PRKD3: variants seen among roughly 807,000 people sequenced by gnomAD.
PRKD3 encodes the protein serine/threonine-protein kinase D3.
A neutral mutation model predicts 99.2 loss-of-function variants in PRKD3; 47 were observed. The observed-to-expected ratio is 0.47, with a 90% CI of 0.38 to 0.60. The LOEUF is 0.60. PRKD3 is among the 20% of genes least tolerant of loss of function. PRKD3 has a pLI of 0.00. For synonymous variants in PRKD3, 392 were observed against 355.4 expected (o/e 1.10, Z -1.16); for missense variants, 1,019 against 1,088.4 (o/e 0.94, Z 0.90).
intron 4 of PRKD3, 31 bp from the exon 5 acceptor site, chr2:37,289,544 A>G: frequency 6.5e-7 from 1 of 1,528,574 alleles, no homozygotes; most frequent in Non-Finnish European, 8.9e-7. Flanking sequence ...AAAATATAAG[A>G]TTTAAAAAAA....
At position 37,316,718 on chromosome 2, in the gene PRKD3, T is replaced by C. The variant is rs991397631; in HGVS notation, c.-194A>G. 7.1e-7 allele frequency: 1 copy of C among 1,416,184 alleles called. No individual in the cohort carries two copies. Among genetic ancestry groups the C allele is most frequent in the East Asian group, 2.6e-5 (1 of 38,638 alleles). 87.7% of individuals were successfully genotyped at this position (1,416,184 alleles called of 1,614,324 possible). A position where few individuals can be genotyped will look rare whatever the true frequency, so the allele number is the denominator to read the frequency against. On this transcript the variant is annotated 5_prime_UTR_variant, in exon 2 of 19. Coordinates refer to ENST00000234179, the MANE Select transcript of PRKD3 (RefSeq NM_005813.6). The stretch of plus-strand genomic sequence containing the variant: ...GGAGTTGAATGCCCCAAAGGTCCTA[T>C]TTCTCTTAATATCAGTCCCATCAAA...
intron 2 of PRKD3, among the ~76,000 whole-genome samples, chr2:37,299,103 C>G (rs1255028962): frequency 6.6e-6 from 1 of 152,048 alleles, no homozygotes; most frequent in Non-Finnish European, 1.5e-5. Context: ...TCCTTCTATA[C>G]CTAGTTTGTT....
chr2:37,316,822 G>A lies in PRKD3; in HGVS notation c.-298C>T, dbSNP rs1671686095. ...ACTGAGCTATCCTCAGCAGGATAGA[G>A]TTGACGTAGCTTATTTACGAATCTA... On this transcript the variant is annotated 5_prime_UTR_variant, in exon 2 of 19. Transcript: ENST00000234179. The A allele has an allele frequency of 8.6e-7, 1 of 1,164,914 alleles. No individual in the cohort carries two copies. The highest frequency in any genetic ancestry group is 1.1e-6 in the Non-Finnish European group (1 of 944,240). 72.2% of individuals were successfully genotyped at this position (1,164,914 alleles called of 1,614,324 possible).
intron 5 of PRKD3, 57 bp downstream of exon 5, chr2:37,289,299 C>G: frequency 6.4e-7 from 1 of 1,567,086 alleles, no homozygotes; most frequent in African/African-American, 1.4e-5. Flanking sequence ...GTCATACACC[C>G]TGTAGAAACA....
chr2:37,281,634 A>C (rs148378444), intron 7 of PRKD3, among the ~76,000 whole-genome samples: 67 of 152,328 alleles, frequency 4.4e-4, no homozygotes, highest in African/African-American at 1.5e-3. Context: ...CAGTCTCCAG[A>C]ACTATGAAAA....
At chr2:37,323,625 G>A (rs1197317875) in intron 1 of PRKD3, among the ~76,000 whole-genome samples, 1 of 152,000 alleles carries the variant, frequency 6.6e-6, no homozygotes, top group Non-Finnish European at 1.5e-5. Flanking sequence ...CAAAGCTAAG[G>A]AAAATGAAAA....
At chr2:37,316,126 C>T in intron 2 of PRKD3, 111 bp downstream of exon 2, 1 of 1,165,712 alleles carries the variant, frequency 8.6e-7, no homozygotes, top group South Asian at 1.5e-5. Context: ...CAAAAATGCA[C>T]AGAATAAACT....
rs746892209 is a variant in PRKD3, at chr2:37,293,232, G to T, written c.328C>A (p.Leu110Ile). ...GAGTTCATGTCATGGCGAAAGAGAA[G>T]AATTTTGTCATACATGCCAAAGAAT... ...CGFFGMYDKI[L>I]LFRHDMNSEN... The change falls in exon 3 of 19, where the codon CTT (leucine) becomes ATT (isoleucine). Residue 110 changes from leucine (L) to isoleucine (I), a missense_variant. By Grantham distance (5) the Leu-to-Ile change is conservative. Transcript: ENST00000234179. 6 of 1,603,230 alleles carry T rather than the reference G, an allele frequency of 3.7e-6. No individual in the cohort carries two copies. The East Asian group carries it at 1.3e-4, about 36-fold the overall frequency.
intron 15 of PRKD3, 24 bp downstream of exon 15, chr2:37,260,199 A>T (rs1338055508): frequency 2.5e-5 from 13 of 524,466 alleles, no homozygotes; most frequent in Non-Finnish European, 3.5e-5. Context: ...TCGCTAGTTT[A>T]AAAAAAAAAA....
At chr2:37,322,235 T>C (rs1356007806) in intron 1 of PRKD3, among the ~76,000 whole-genome samples, 1 of 152,230 alleles carries the variant, frequency 6.6e-6, no homozygotes. Context: ...TGTTCTTGCT[T>C]TTATATTGTA....
At chr2:37,267,361 AAGAG>A in intron 14 of PRKD3, 65 bp downstream of exon 14, 1 of 1,104,868 alleles carries the variant, frequency 9.1e-7, no homozygotes, top group Non-Finnish European at 1.3e-6. Context: ...AAAAAAAAAA[AAGAG>A]AAGCAGTTAA....
intron 2 of PRKD3, 64 bp downstream of exon 2, chr2:37,316,173 G>T (rs1213413409): frequency 1.4e-6 from 2 of 1,452,388 alleles, no homozygotes; most frequent in Admixed American, 1.8e-5. Context: ...ACTGGTACAC[G>T]TATAATTTAT....
chr2:37,299,557 CACAA>C (rs1558568315), intron 2 of PRKD3, among the ~76,000 whole-genome samples: 2 of 136,118 alleles, frequency 1.5e-5, no homozygotes, highest in African/African-American at 5.4e-5. Flanking sequence ...CACACACACA[CACAA>C]GCTTCTGCAA....
At chr2:37,291,629 G>A (rs1670428150) in intron 3 of PRKD3, among the ~76,000 whole-genome samples, 1 of 152,204 alleles carries the variant, frequency 6.6e-6, no homozygotes, top group Non-Finnish European at 1.5e-5. Context: ...GAAGAGGAGG[G>A]CAAGGATTGG....
intron 2 of PRKD3, among the ~76,000 whole-genome samples, chr2:37,315,236 A>C (rs1304888774): frequency 6.6e-6 from 1 of 152,212 alleles, no homozygotes; most frequent in African/African-American, 2.4e-5. Flanking sequence ...TTGATAACAC[A>C]GAAAACATAC....
intron 14 of PRKD3, 25 bp from the exon 15 acceptor site, chr2:37,260,409 G>T (rs779824625): frequency 6.3e-7 from 1 of 1,587,162 alleles, no homozygotes; most frequent in African/African-American, 1.3e-5. Flanking sequence ...CAAGATACAT[G>T]AGCAACTTAA....
intron 2 of PRKD3, among the ~76,000 whole-genome samples, chr2:37,312,640 G>A (rs940892341): frequency 6.6e-6 from 1 of 152,126 alleles, no homozygotes; most frequent in Admixed American, 6.5e-5. Context: ...GTGTTCTCAA[G>A]TGCAAAAAGT....
chr2:37,260,516 A>C, intron 14 of PRKD3, 132 bp from the exon 15 acceptor site: 1 of 844,384 alleles, frequency 1.2e-6, no homozygotes, highest in Non-Finnish European at 1.9e-6. Context: ...AACAAAATAA[A>C]AATTACAATC....
chr2:37,256,705 T>A lies in PRKD3; in HGVS notation c.2370A>T (p.Ala790=). 1 of 1,598,388 alleles carries A rather than the reference T, an allele frequency of 6.3e-7. No individual in the cohort carries two copies. Among genetic ancestry groups the A allele is most frequent in the Non-Finnish European group, 8.5e-7 (1 of 1,174,048 alleles). Residue 790 remains alanine, a synonymous_variant, in exon 17 of 19, where the codon GCA becomes GCT. Transcript: ENST00000234179. ...EDINDQIQNA[A]FMYPPNPWRE... Reference sequence around the variant, plus strand: ...TCCATGGATTTGGTGGGTACATAAATGCAGCATTTTGGATTTGGTCATTTA... The same window carrying A: ...TCCATGGATTTGGTGGGTACATAAAAGCAGCATTTTGGATTTGGTCATTTA...
Sources: allele counts gnomAD v4.1 joint callset (sites outside exome capture counted in the v4.1 genomes callset), GRCh38; gene constraint gnomAD v4.1.1; transcripts MANE v1.5; gene names NCBI Gene and HGNC (gene_info 2026-07-23, HGNC 2026-07-21).